Variants in FSTL4 observed in about 807,000 individuals in gnomAD.
FSTL4 encodes follistatin-related protein 4.
Under a neutral mutation model 78.2 loss-of-function variants are expected in FSTL4, and 28 were observed. The observed-to-expected ratio is 0.36, with a 90% CI of 0.27 to 0.49. The LOEUF (loss-of-function observed/expected upper bound fraction) is 0.49. FSTL4 is among the 20% of genes least tolerant of loss of function. FSTL4 has a pLI of 0.98. For synonymous variants in FSTL4, 422 were observed against 440.5 expected (o/e 0.96, Z 0.53); for missense variants, 922 against 1,084.9 (o/e 0.85, Z 2.11).
chr5:133,682,541 C>A, the FSTL4 span, among the ~76,000 whole-genome samples: 1 of 152,212 alleles, frequency 6.6e-6, no homozygotes, highest in Non-Finnish European at 1.5e-5. Flanking sequence ...TGATGCCGCC[C>A]CTTTCCAGGC....
At chr5:133,745,250 G>A in the FSTL4 span, among the ~76,000 whole-genome samples, 2 of 152,226 alleles carry the variant, frequency 1.3e-5, no homozygotes, top group African/African-American at 4.8e-5. Flanking sequence ...TATGGACCCA[G>A]CTTCCCTTCC....
chr5:133,565,509 A>G (rs1028167477), intron 3 of FSTL4, among the ~76,000 whole-genome samples: 4 of 152,260 alleles, frequency 2.6e-5, no homozygotes, highest in African/African-American at 4.8e-5. Flanking sequence ...CAATAGGAAG[A>G]AAAAAGTTTC....
the FSTL4 span, among the ~76,000 whole-genome samples, chr5:133,827,389 A>G: frequency 1.3e-5 from 2 of 152,124 alleles, no homozygotes; most frequent in African/African-American, 4.8e-5. Flanking sequence ...AGGGCAGAGA[A>G]TATTGACTAA....
At chr5:133,674,736 A>G in the FSTL4 span, among the ~76,000 whole-genome samples, 1 of 152,162 alleles carries the variant, frequency 6.6e-6, no homozygotes, top group African/African-American at 2.4e-5. Context: ...GGTGCACAAT[A>G]AATTCAAATT....
chr5:133,612,936 C>T (rs1389298245), upstream of FSTL4, among the ~76,000 whole-genome samples: 1 of 152,210 alleles, frequency 6.6e-6, no homozygotes, highest in Non-Finnish European at 1.5e-5. This position sits in a 1 kb window ranked among gnomAD's most constrained non-coding sequence, Gnocchi z 6.2. Flanking sequence ...AGAGCTGTCC[C>T]TGGGGACAAA....
intron 3 of FSTL4, among the ~76,000 whole-genome samples, chr5:133,553,155 C>A (rs1347188435): frequency 6.6e-6 from 1 of 152,158 alleles, no homozygotes; most frequent in East Asian, 1.9e-4. Flanking sequence ...ACCCGGAACC[C>A]ACAGTCTGTA....
intron 3 of FSTL4, chr5:133,427,648 C>T (rs567603326): frequency 3.8e-6 from 2 of 530,894 alleles, no homozygotes; most frequent in Non-Finnish European, 7.8e-6. Flanking sequence ...CACCCAGTGA[C>T]TCTGTTCAGT....
intron 3 of FSTL4, among the ~76,000 whole-genome samples, chr5:133,434,013 G>A (rs80054963): frequency 0.01 from 1,597 of 152,250 alleles, 26 homozygotes; most frequent in African/African-American, 0.037. Context: ...AGGGTTTTAA[G>A]CAGAAGGTAA....
chr5:133,825,021 C>T, the FSTL4 span, among the ~76,000 whole-genome samples: 1 of 152,290 alleles, frequency 6.6e-6, no homozygotes, highest in South Asian at 2.1e-4. Context: ...TCATTACAAC[C>T]ACAGGGCAAG....
chr5:133,198,869 G>A lies in FSTL4; in HGVS notation c.*226C>T. On this transcript the variant is annotated 3_prime_UTR_variant, in exon 16 of 16. Coordinates refer to ENST00000265342, the MANE Select transcript of FSTL4 (RefSeq NM_015082.2). Reference sequence around the variant, plus strand: ...ATGATCCCTTTACACAGCAGCATATGTTCTCATCGTAGCTCAAGGCATAAA... The same window carrying A: ...ATGATCCCTTTACACAGCAGCATATATTCTCATCGTAGCTCAAGGCATAAA... 2.2e-6 allele frequency: 1 copy of A among 452,760 alleles called. No individual in the cohort carries two copies. Among genetic ancestry groups the A allele is most frequent in the East Asian group, 3.1e-5 (1 of 31,962 alleles). 28.0% of individuals were successfully genotyped at this position (452,760 alleles called of 1,614,324 possible).
At chr5:133,788,358 C>T in the FSTL4 span, among the ~76,000 whole-genome samples, 5 of 152,196 alleles carry the variant, frequency 3.3e-5, no homozygotes, top group African/African-American at 4.8e-5. Context: ...GCTCAGCAGC[C>T]GGTTGCTAGG....
At chr5:133,455,500 C>A (rs1210355635) in intron 3 of FSTL4, among the ~76,000 whole-genome samples, 1 of 151,798 alleles carries the variant, frequency 6.6e-6, no homozygotes, top group Non-Finnish European at 1.5e-5. Flanking sequence ...TATATGTGTA[C>A]CTCATTGATT....
chr5:133,736,410 C>T, the FSTL4 span, among the ~76,000 whole-genome samples: 3 of 152,182 alleles, frequency 2.0e-5, no homozygotes, highest in Non-Finnish European at 1.5e-5. Context: ...CCTAACTTTT[C>T]CTGGAATGGT....
At chr5:133,349,641 G>A (rs1754780212) in intron 4 of FSTL4, among the ~76,000 whole-genome samples, 1 of 148,730 alleles carries the variant, frequency 6.7e-6, no homozygotes, top group African/African-American at 2.5e-5. Flanking sequence ...CCATGTGACT[G>A]TAAAGGACCC....
the FSTL4 span, among the ~76,000 whole-genome samples, chr5:133,762,677 C>T: frequency 9.2e-5 from 14 of 152,326 alleles, no homozygotes; most frequent in Non-Finnish European, 1.6e-4. Flanking sequence ...AGCAGGTTTG[C>T]TCATGGTCCC....
At chr5:133,658,188 T>G in the FSTL4 span, among the ~76,000 whole-genome samples, 1 of 152,170 alleles carries the variant, frequency 6.6e-6, no homozygotes, top group Non-Finnish European at 1.5e-5. Context: ...AATACCATAT[T>G]TAGGATTTTC....
chr5:133,506,987 T>C (rs1025314418), intron 3 of FSTL4, among the ~76,000 whole-genome samples: 5 of 152,136 alleles, frequency 3.3e-5, no homozygotes, highest in African/African-American at 9.7e-5. Context: ...CAAGGTGGAT[T>C]ACCTGAGGTC....
chr5:133,597,991 G>A (rs1333892111), intron 2 of FSTL4, among the ~76,000 whole-genome samples: 3 of 152,160 alleles, frequency 2.0e-5, no homozygotes, highest in Non-Finnish European at 4.4e-5. Flanking sequence ...TTCCAAGAGT[G>A]AGAGTTACCT....
In FSTL4 at chr5:133,562,946, T is replaced by C. The variant is rs149272832; in HGVS notation, c.160+4240A>G. ...TTGGCCCTCACAGTGGACACGGGAG[T>C]ATCTTAGAAAGGTAAGGGTGGCACC... is the stretch of plus-strand genomic sequence containing the variant. On this transcript the variant is annotated intron_variant, in intron 3 of 15. Transcript: ENST00000265342. Among the ~76,000 whole-genome samples the C allele has an allele frequency of 2.7e-3, 417 of 152,016 alleles. 4 individuals are homozygous for C. The highest frequency in any genetic ancestry group is 0.014 in the Middle Eastern group (4 of 294).
Sources: allele counts gnomAD v4.1 joint callset (sites outside exome capture counted in the v4.1 genomes callset), GRCh38; gene constraint gnomAD v4.1.1; non-coding constraint Gnocchi (gnomAD v3.1); transcripts MANE v1.5; gene names NCBI Gene and HGNC (gene_info 2026-07-23, HGNC 2026-07-21).